C1GALT1: variants seen among roughly 807,000 people sequenced by gnomAD.
C1GALT1 encodes core 1 synthase, glycoprotein-N-acetylgalactosamine 3-beta-galactosyltransferase 1.
In C1GALT1, 11 loss-of-function variants were observed where a neutral mutation model predicts 31.0. The observed-to-expected ratio is 0.36, with a 90% CI of 0.22 to 0.59. C1GALT1 has a LOEUF of 0.59. Ranked by LOEUF, C1GALT1 falls within the 20% of genes least tolerant of loss-of-function variation. C1GALT1 has a pLI of 0.79. For synonymous variants in C1GALT1, 175 were observed against 143.6 expected, an observed-to-expected ratio of 1.22 and a Z score of -1.56; for missense variants, 424 against 425.2, an observed-to-expected ratio of 1.00 and a Z score of 0.03.
At position 7,243,955 on chromosome 7, in the gene C1GALT1, A is replaced by C; in HGVS notation, c.*228A>C. 3.5e-6 allele frequency: 1 copy of C among 284,416 alleles called. No homozygotes were observed. The highest frequency in any genetic ancestry group is 6.4e-6 in the Non-Finnish European group (1 of 155,262). 17.6% of individuals were successfully genotyped at this position (284,416 alleles called of 1,614,324 possible). On this transcript the variant is annotated 3_prime_UTR_variant, in exon 4 of 4. Coordinates refer to ENST00000436587, the MANE Select transcript of C1GALT1 (RefSeq NM_020156.5). ...ATAAATATGTCTATATATATGAGGA[A>C]CTTGTGTTTTTTAAATGGTGGCCAG...
intron 1 of C1GALT1, among the ~76,000 whole-genome samples, chr7:7,218,897 A>C (rs1285728772): frequency 1.3e-5 from 2 of 150,406 alleles, no homozygotes; most frequent in African/African-American, 4.9e-5. Context: ...GCGGTGGTGC[A>C]ATCTCGGCTC....
At position 7,238,131 on chromosome 7, in the gene C1GALT1, T is replaced by TA. The variant is rs1167296438; in HGVS notation, c.221-121dup. Reference sequence around the variant, plus strand: ...TAGGATGAGTTTGCTTTCCTTTGGCTAAATCACTAATAGAGGGATAAATAG... The same window carrying TA: ...TAGGATGAGTTTGCTTTCCTTTGGCTAAAATCACTAATAGAGGGATAAATAG... On this transcript the variant is annotated intron_variant, in intron 2 of 3. Coordinates refer to ENST00000436587, the MANE Select transcript of C1GALT1 (RefSeq NM_020156.5). The surrounding 1 kb of genome is among the most constrained non-coding windows in gnomAD (Gnocchi z 5.2). 13 of 951,706 alleles carry TA rather than the reference T, an allele frequency of 1.4e-5. No individual in the cohort carries two copies. Among genetic ancestry groups the TA allele is most frequent in the Admixed American group, 3.2e-5 (1 of 31,556 alleles). 59.0% of individuals were successfully genotyped at this position (951,706 alleles called of 1,614,324 possible).
intron 2 of C1GALT1, among the ~76,000 whole-genome samples, chr7:7,236,664 G>A (rs1024413852): frequency 6.6e-6 from 1 of 152,058 alleles, no homozygotes; most frequent in African/African-American, 2.4e-5. Flanking sequence ...TGGGATTACA[G>A]GCGCCCACCA....
chr7:7,240,673 C>T (rs1039272164), intron 3 of C1GALT1, among the ~76,000 whole-genome samples: 1 of 152,076 alleles, frequency 6.6e-6, no homozygotes, highest in Non-Finnish European at 1.5e-5. Context: ...TGTTCTTTCT[C>T]TAGAAATTTA....
chr7:7,237,699 A>G (rs1783430283), intron 2 of C1GALT1, among the ~76,000 whole-genome samples: 2 of 152,212 alleles, frequency 1.3e-5, no homozygotes, highest in Admixed American at 6.5e-5. Flanking sequence ...GGGTACTTGT[A>G]GAAATTCTTA....
At position 7,248,513 on chromosome 7, in the gene C1GALT1, C is replaced by T. The variant is rs1160987877; in HGVS notation, c.*4786C>T. The T allele has an allele frequency of 6.6e-6, 1 of 151,888 alleles. No individual in the cohort carries two copies. 9.4% of individuals were successfully genotyped at this position (151,888 alleles called of 1,614,324 possible). A position where few individuals can be genotyped will look rare whatever the true frequency, so the allele number is the denominator to read the frequency against. ...GACTTGCTTATTTTTAAGTGATCACCATTAAGTCAGAAAAATGTATTTTTA... is the reference window on the plus strand; with the variant it reads ...GACTTGCTTATTTTTAAGTGATCACTATTAAGTCAGAAAAATGTATTTTTA... On this transcript the variant is annotated 3_prime_UTR_variant, in exon 4 of 4. Coordinates refer to ENST00000436587, the MANE Select transcript of C1GALT1 (RefSeq NM_020156.5).
chr7:7,212,541 C>T (rs1386751679), intron 1 of C1GALT1, among the ~76,000 whole-genome samples: 1 of 152,068 alleles, frequency 6.6e-6, no homozygotes, highest in Non-Finnish European at 1.5e-5. Flanking sequence ...TACTTATGTC[C>T]GTATAAGAGA....
intron 2 of C1GALT1, among the ~76,000 whole-genome samples, chr7:7,161,285 T>TG (rs201985327): frequency 0.011 from 1,681 of 152,066 alleles, 16 homozygotes; most frequent in Admixed American, 0.017. Flanking sequence ...GCTTTAACAG[T>TG]GGGAAAAAAA....
At chr7:7,233,668 G>A (rs772201576) in intron 1 of C1GALT1, among the ~76,000 whole-genome samples, 13 of 152,272 alleles carry the variant, frequency 8.5e-5, no homozygotes, top group South Asian at 2.1e-4. Flanking sequence ...AAAAGTAGCC[G>A]CAGTCAGTAT....
chr7:7,244,980 CTG>C lies in C1GALT1; in HGVS notation c.*1255_*1256del, dbSNP rs1783784965. 1 of 152,194 alleles carries C rather than the reference CTG, an allele frequency of 6.6e-6. No individual in the cohort carries two copies. Among genetic ancestry groups the C allele is most frequent in the African/African-American group, 2.4e-5 (1 of 41,448 alleles). The allele number at this position is 152,194 out of a possible 1,614,324, so 9.4% of individuals were successfully genotyped here. ...AACAATGCAGAATACCTAGTCAAGACTGTCATCAAAAACATTCACAAATGTTT... is the reference window on the plus strand; with the variant it reads ...AACAATGCAGAATACCTAGTCAAGACTCATCAAAAACATTCACAAATGTTT... On this transcript the variant is annotated 3_prime_UTR_variant, in exon 4 of 4. Coordinates refer to ENST00000436587, the MANE Select transcript of C1GALT1 (RefSeq NM_020156.5).
rs75832055 is a variant in C1GALT1, at chr7:7,166,692, A to G, written c.-18+9266A>G. On this transcript the variant is annotated intron_variant, in intron 2 of 3. Transcript: ENST00000429911. ...ACCGGGTTGAAATCCGTGTTATACT[A>G]TTTACAAATTGCTTAATCTCTAAGA... is the stretch of plus-strand genomic sequence containing the variant. Among the ~76,000 whole-genome samples, 66 of 152,352 alleles carry G rather than the reference A, an allele frequency of 4.3e-4. 1 individual carries two copies. Among genetic ancestry groups the G allele is most frequent in the African/African-American group, 1.5e-3 (64 of 41,586 alleles).
Position 7,244,433 on chromosome 7 carries a change from T to G in C1GALT1, c.*706T>G, listed in dbSNP as rs1783764489. On this transcript the variant is annotated 3_prime_UTR_variant, in exon 4 of 4. Coordinates refer to ENST00000436587, the MANE Select transcript of C1GALT1 (RefSeq NM_020156.5). ...TCTGTTGTCTCTTTTCTAAATGTGT[T>G]TAGCCACTCTTGAATACCATTCTCC... The G allele has an allele frequency of 6.6e-6, 1 of 152,152 alleles. No individual in the cohort carries two copies. Among genetic ancestry groups the G allele is most frequent in the South Asian group, 2.1e-4 (1 of 4,836 alleles). The allele number at this position is 152,152 out of a possible 1,614,324, so 9.4% of individuals were successfully genotyped here.
intron 1 of C1GALT1, among the ~76,000 whole-genome samples, chr7:7,229,680 T>C (rs1321216559): frequency 6.6e-6 from 1 of 152,142 alleles, no homozygotes; most frequent in Non-Finnish European, 1.5e-5. Flanking sequence ...GAACAATCAC[T>C]TAAGACAGGA....
intron 1 of C1GALT1, among the ~76,000 whole-genome samples, chr7:7,231,894 C>CT (rs1783091827): frequency 6.6e-6 from 1 of 152,146 alleles, no homozygotes; most frequent in Admixed American, 6.5e-5. Flanking sequence ...CAGTCAGTGG[C>CT]TGAGATGACT....
chr7:7,201,070 A>C (rs780018701), intron 1 of C1GALT1, among the ~76,000 whole-genome samples: 1 of 152,158 alleles, frequency 6.6e-6, no homozygotes, highest in Non-Finnish European at 1.5e-5. Context: ...TTTGGAGGAG[A>C]AGAGGCGCTC....
At chr7:7,197,455 T>C (rs1781343153) in intron 1 of C1GALT1, among the ~76,000 whole-genome samples, 2 of 152,210 alleles carry the variant, frequency 1.3e-5, no homozygotes, top group African/African-American at 4.8e-5. Flanking sequence ...CCTTGTAGTA[T>C]AGTTTGAAGT....
At chr7:7,226,932 A>G (rs972984710) in intron 1 of C1GALT1, among the ~76,000 whole-genome samples, 3 of 152,186 alleles carry the variant, frequency 2.0e-5, no homozygotes, top group African/African-American at 4.8e-5. Context: ...GTGTATGTAT[A>G]TGTGTATATA....
Position 7,244,022 on chromosome 7 carries a change from C to T in C1GALT1, c.*295C>T, listed in dbSNP as rs1433889682. The T allele has an allele frequency of 5.0e-6, 1 of 201,056 alleles. No individual in the cohort carries two copies. The highest frequency in any genetic ancestry group is 1.0e-5 in the Non-Finnish European group (1 of 100,434). The allele number at this position is 201,056 out of a possible 1,614,324, so 12.5% of individuals were successfully genotyped here. On this transcript the variant is annotated 3_prime_UTR_variant, in exon 4 of 4. Transcript: ENST00000436587. The stretch of plus-strand genomic sequence containing the variant: ...AGAGATTTTGTTGCCTGTTTTCTGA[C>T]CATCTGTGTTATTGTCACTGAGAAA...
rs1414442483 is a variant in C1GALT1 at position 7,246,837 on chromosome 7, A to G, written c.*3110A>G. The G allele has an allele frequency of 6.6e-6, 1 of 152,206 alleles. No individual in the cohort carries two copies. Among genetic ancestry groups the G allele is most frequent in the Non-Finnish European group, 1.5e-5 (1 of 68,030 alleles). The allele number at this position is 152,206 out of a possible 1,614,324, so 9.4% of individuals were successfully genotyped here. ...CCAATTACTAAGACATTTTTCAAAA[A>G]GCATGTTTTAAATCAGTGTAGTCCA... is the stretch of plus-strand genomic sequence containing the variant. On this transcript the variant is annotated 3_prime_UTR_variant, in exon 4 of 4. Coordinates refer to ENST00000436587, the MANE Select transcript of C1GALT1 (RefSeq NM_020156.5).
Sources: gnomAD v4.1 joint callset for allele counts (sites outside exome capture counted in the v4.1 genomes callset) on GRCh38, gnomAD v4.1.1 for gene constraint, Gnocchi (gnomAD v3.1) non-coding constraint, MANE v1.5 for transcripts, NCBI Gene and HGNC (gene_info 2026-07-23, HGNC 2026-07-21) for gene names.